Variants in ADGRB3 observed in about 807,000 individuals in gnomAD.
ADGRB3 encodes the protein brain-specific angiogenesis inhibitor 3.
In ADGRB3, 37 loss-of-function variants were observed where a neutral mutation model predicts 193.4. The observed-to-expected ratio is 0.19, with a 90% CI of 0.15 to 0.25. The LOEUF is 0.25. Among genes scored for constraint, ADGRB3 ranks in the 10% least tolerant of loss-of-function variants. The probability of loss-of-function intolerance (pLI) is 1.00; values close to 1 mark genes in which losing one functional copy is unlikely to be tolerated. For missense variants in ADGRB3, 1,637 were observed against 1,852.9 expected (o/e 0.88, Z 2.14); for synonymous variants, 690 against 644.2 (o/e 1.07, Z -1.08).
At chr6:69,037,777 A>G (rs1198754601) in intron 13 of ADGRB3, among the ~76,000 whole-genome samples, 2 of 151,322 alleles carry the variant, frequency 1.3e-5, no homozygotes, top group Non-Finnish European at 2.9e-5. Flanking sequence ...CTATTGTGTC[A>G]TTTTCTCAAT....
At chr6:68,639,507 A>G in intron 3 of ADGRB3, 75 bp downstream of exon 3, 2 of 1,414,762 alleles carry the variant, frequency 1.4e-6, no homozygotes, top group Non-Finnish European at 1.9e-6. Flanking sequence ...CTGTTTCAAC[A>G]CACAGGCCTA....
intron 3 of ADGRB3, among the ~76,000 whole-genome samples, chr6:68,899,945 A>G (rs1007134274): frequency 5.9e-5 from 9 of 152,218 alleles, no homozygotes; most frequent in African/African-American, 2.2e-4. Flanking sequence ...TAGCTGACTG[A>G]GAAAAAGGCA....
intron 17 of ADGRB3, among the ~76,000 whole-genome samples, chr6:69,187,730 C>G (rs1375847321): frequency 6.6e-6 from 1 of 152,136 alleles, no homozygotes; most frequent in East Asian, 1.9e-4. Context: ...TAGGGACTTT[C>G]AAGAACTCAC....
chr6:68,712,613 A>T (rs377111860), intron 3 of ADGRB3, among the ~76,000 whole-genome samples: 4 of 152,114 alleles, frequency 2.6e-5, no homozygotes, highest in East Asian at 3.9e-4. Context: ...GGACTAATAA[A>T]TGGGAGACAT....
intron 17 of ADGRB3, chr6:69,232,922 C>G (rs547067247): frequency 8.4e-6 from 4 of 478,048 alleles, no homozygotes; most frequent in Admixed American, 3.7e-5. Flanking sequence ...TCTTTACACC[C>G]TGAGTATTTG....
At chr6:69,060,247 T>TCTCTCTCTCTCTC (rs748168840) in intron 15 of ADGRB3, among the ~76,000 whole-genome samples, 2 of 150,900 alleles carry the variant, frequency 1.3e-5, no homozygotes, top group African/African-American at 4.9e-5. Flanking sequence ...TCTCTCTCTC[T>TCTCTCTCTCTCTC]CTCCTCCTCT....
At chr6:68,857,760 A>G (rs1765028682) in intron 3 of ADGRB3, among the ~76,000 whole-genome samples, 1 of 152,142 alleles carries the variant, frequency 6.6e-6, no homozygotes, top group Non-Finnish European at 1.5e-5. Context: ...AAATGTGAAG[A>G]TGTGAGATTT....
In ADGRB3 at chr6:68,769,191, A is replaced by T. The variant is rs188973202; in HGVS notation, c.757+129759A>T. Among the ~76,000 whole-genome samples, 116 of 152,348 alleles carry T rather than the reference A, an allele frequency of 7.6e-4. 2 individuals carry two copies. The East Asian group carries it at 0.012, about 15-fold the overall frequency. On this transcript the variant is annotated intron_variant, in intron 3 of 31. Transcript: ENST00000370598. ...TGAACCAGCAGTCCCATCACTGGGT[A>T]TGCACCCAAAGGATGATAAATCATT...
intron 17 of ADGRB3, among the ~76,000 whole-genome samples, chr6:69,172,658 AAAAAAAAAAAAAAAGAG>A (rs1460522754): frequency 6.8e-6 from 1 of 147,288 alleles, no homozygotes; most frequent in Non-Finnish European, 1.5e-5. Context: ...AAAAAAAAAA[AAAAAAAAAAAAAAAGAG>A]AAATAAAGAA....
Position 68,997,651 on chromosome 6 carries a change from TTAAATAAATAAATAAATAAA to T in ADGRB3, c.1929+3706_1929+3725del, listed in dbSNP as rs67424530. On this transcript the variant is annotated intron_variant, in intron 11 of 31. Transcript: ENST00000370598. ...CTGGGTGACAGAGTGACACTCTGTC[TTAAATAAATAAATAAATAAA>T]TAAATAAATAAATAAAATTATGAAT... is the stretch of plus-strand genomic sequence containing the variant. Among the ~76,000 whole-genome samples, 6 of 145,402 alleles carry T rather than the reference TTAAATAAATAAATAAATAAA, an allele frequency of 4.1e-5. No homozygotes were observed. The East Asian group carries it at 1.2e-3, about 29-fold the overall frequency.
At chr6:69,159,723 G>A (rs1433197551) in intron 17 of ADGRB3, among the ~76,000 whole-genome samples, 2 of 152,066 alleles carry the variant, frequency 1.3e-5, no homozygotes, top group Non-Finnish European at 1.5e-5. Context: ...TATAAATATT[G>A]TGTATAAACT....
chr6:68,691,193 T>G (rs1186015899), intron 3 of ADGRB3, among the ~76,000 whole-genome samples: 2 of 152,152 alleles, frequency 1.3e-5, no homozygotes, highest in African/African-American at 4.8e-5. Context: ...CAAAACTGAA[T>G]GTACTTTATA....
chr6:69,113,226 A>G (rs1773422807), intron 17 of ADGRB3, among the ~76,000 whole-genome samples: 1 of 152,052 alleles, frequency 6.6e-6, no homozygotes, highest in African/African-American at 2.4e-5. Context: ...TGTACAATAT[A>G]CATATGTATC....
chr6:69,169,552 A>T (rs1775220206), intron 17 of ADGRB3, among the ~76,000 whole-genome samples: 1 of 150,036 alleles, frequency 6.7e-6, no homozygotes, highest in Non-Finnish European at 1.5e-5. Flanking sequence ...ATAAGCACGA[A>T]TTGTGATTAA....
chr6:68,757,532 T>C (rs1766320139), intron 3 of ADGRB3, among the ~76,000 whole-genome samples: 1 of 152,142 alleles, frequency 6.6e-6, no homozygotes, highest in Non-Finnish European at 1.5e-5. Flanking sequence ...GTTTTTATTT[T>C]TTTGTCCAAC....
At chr6:68,683,583 A>T (rs934070643) in intron 3 of ADGRB3, among the ~76,000 whole-genome samples, 8 of 152,094 alleles carry the variant, frequency 5.3e-5, no homozygotes, top group Non-Finnish European at 1.0e-4. Context: ...ATTGCTTTAT[A>T]TTAAGGAAAT....
At chr6:69,006,098 T>G (rs1769741464) in intron 11 of ADGRB3, among the ~76,000 whole-genome samples, 2 of 150,764 alleles carry the variant, frequency 1.3e-5, no homozygotes, top group Admixed American at 6.6e-5. Context: ...TCTTTAGAGA[T>G]TACTTACTAT....
chr6:68,881,162 A>G (rs1332351946), intron 3 of ADGRB3, among the ~76,000 whole-genome samples: 7 of 123,200 alleles, frequency 5.7e-5, no homozygotes, highest in South Asian at 2.6e-4. Flanking sequence ...GTTTTAAACT[A>G]CCATTCCTTA....
At chr6:69,382,389 A>T (rs1441988463) in intron 30 of ADGRB3, among the ~76,000 whole-genome samples, 1 of 151,972 alleles carries the variant, frequency 6.6e-6, no homozygotes. Context: ...ACTTTAGTAC[A>T]GCCAGCTAGG....
Sources: gnomAD v4.1 joint callset for allele counts (sites outside exome capture counted in the v4.1 genomes callset) on GRCh38, gnomAD v4.1.1 for gene constraint, MANE v1.5 for transcripts, NCBI Gene and HGNC (gene_info 2026-07-23, HGNC 2026-07-21) for gene names.